CLSTN1: variants seen among roughly 807,000 people sequenced by gnomAD.
The protein encoded by CLSTN1 is calsyntenin-1.
CLSTN1 carries 28 observed loss-of-function variants against 108.3 expected under a neutral mutation model. The ratio of observed to expected loss-of-function variants is 0.26; its 90% confidence interval spans 0.19 to 0.35. The LOEUF (loss-of-function observed/expected upper bound fraction) is 0.35, where lower values mean the gene tolerates loss of function less well. Among genes scored for constraint, CLSTN1 ranks in the 10% least tolerant of loss-of-function variants. CLSTN1 has a pLI of 1.00. For missense variants in CLSTN1, 1,157 were observed against 1,302.6 expected (o/e 0.89, Z 1.72); for synonymous variants, 524 against 534.9 (o/e 0.98, Z 0.28).
chr1:9,793,013 C>G (rs1267704171), intron 1 of CLSTN1, among the ~76,000 whole-genome samples: 1 of 151,086 alleles, frequency 6.6e-6, no homozygotes, highest in Non-Finnish European at 1.5e-5. Context: ...AAACGCAGAT[C>G]CCTTTTTTTT....
intron 1 of CLSTN1, among the ~76,000 whole-genome samples, chr1:9,816,517 T>C (rs1468069544): frequency 2.0e-5 from 3 of 149,628 alleles, no homozygotes; most frequent in Non-Finnish European, 4.4e-5. Flanking sequence ...ATGTGAACTA[T>C]ACCTCAATAA....
At chr1:9,746,005 C>T (rs1039863684) in intron 7 of CLSTN1, among the ~76,000 whole-genome samples, 1 of 151,908 alleles carries the variant, frequency 6.6e-6, no homozygotes, top group Admixed American at 6.6e-5. Context: ...TGGGCTCAAG[C>T]GATCCATCTG....
chr1:9,792,204 C>A (rs1366634087), intron 1 of CLSTN1, among the ~76,000 whole-genome samples: 1 of 150,966 alleles, frequency 6.6e-6, no homozygotes, highest in Non-Finnish European at 1.5e-5. Flanking sequence ...ACAACAACAA[C>A]AACAACAACA....
intron 1 of CLSTN1, among the ~76,000 whole-genome samples, chr1:9,779,270 A>C (rs1653123827): frequency 6.6e-6 from 1 of 152,104 alleles, no homozygotes. Context: ...TCTCCAGATT[A>C]TCTTTTTAAA....
At chr1:9,740,571 A>C (rs1029770457) in intron 10 of CLSTN1, among the ~76,000 whole-genome samples, 1 of 152,178 alleles carries the variant, frequency 6.6e-6, no homozygotes, top group East Asian at 1.9e-4. Context: ...GGTGGTTATC[A>C]TATCCCCTCT....
rs968703335 is a variant in CLSTN1, at chr1:9,734,436, G to A, written c.2111-294C>T. ...CTAAAAATACAAAAATTAACCGGGCGTTGTGGCAGGTCCCTGTAATCCCAG... is the reference window on the plus strand; with the variant it reads ...CTAAAAATACAAAAATTAACCGGGCATTGTGGCAGGTCCCTGTAATCCCAG... On this transcript the variant is annotated intron_variant, in intron 14 of 18. Coordinates refer to ENST00000377298, the MANE Select transcript of CLSTN1 (RefSeq NM_001009566.3). The surrounding 1 kb of genome is among the most constrained non-coding windows in gnomAD (Gnocchi z 4.8). 5.1e-4 allele frequency among the ~76,000 whole-genome samples: 78 copies of A among 152,226 alleles called. No individual in the cohort carries two copies. Among genetic ancestry groups the A allele is most frequent in the Admixed American group, 1.4e-3 (22 of 15,290 alleles).
intron 1 of CLSTN1, among the ~76,000 whole-genome samples, chr1:9,788,785 G>A (rs1305382371): frequency 6.9e-6 from 1 of 145,562 alleles, no homozygotes; most frequent in Non-Finnish European, 1.5e-5. Flanking sequence ...GGAGAATGGC[G>A]TGAACCCGGG....
rs148619225 is a variant in CLSTN1 at position 9,746,818 on chromosome 1, G to C, written c.986-2175C>G. ...TTAGTCTCAATTGTTTAATTCCTCT[G>C]TAACAAGGTCAATACCCACCTACTT... On this transcript the variant is annotated intron_variant, in intron 7 of 18. Coordinates refer to ENST00000377298, the MANE Select transcript of CLSTN1 (RefSeq NM_001009566.3). Among the ~76,000 whole-genome samples the C allele has an allele frequency of 5.3e-5, 8 of 152,078 alleles. No homozygotes were observed. In the East Asian group the frequency reaches 1.4e-3, roughly 26 times the overall value.
intron 1 of CLSTN1, chr1:9,780,913 A>G (rs1653212723): frequency 2.7e-6 from 1 of 374,446 alleles, no homozygotes; most frequent in African/African-American, 2.1e-5. Flanking sequence ...GATGCTGAAT[A>G]AACTGTGTGT....
At position 9,823,593 on chromosome 1, in the gene CLSTN1, G is replaced by T; in HGVS notation, c.91+50C>A. 8.8e-7 allele frequency: 1 copy of T among 1,140,882 alleles called. No homozygotes were observed. The highest frequency in any genetic ancestry group is 1.1e-6 in the Non-Finnish European group (1 of 918,004). 70.7% of individuals were successfully genotyped at this position (1,140,882 alleles called of 1,614,324 possible). On this transcript the variant is annotated intron_variant, in intron 1 of 18. Transcript: ENST00000377298. This position sits in a 1 kb window ranked among gnomAD's most constrained non-coding sequence, Gnocchi z 6.3. ...CACCGGGACCCGAATCCTGCACCCGGACCCGAATCCCGCACCGACCCAGCG... is the reference window on the plus strand; with the variant it reads ...CACCGGGACCCGAATCCTGCACCCGTACCCGAATCCCGCACCGACCCAGCG...
In CLSTN1 at chr1:9,734,928, C is replaced by T. The variant is rs372841515; in HGVS notation, c.2110+20G>A. ...TTTCCGGCCGAGGCGAGGGAGCCCG[C>T]GCCCCACAGAGCACATTACCTGTGG... On this transcript the variant is annotated intron_variant, in intron 14 of 18. Transcript: ENST00000377298. The surrounding 1 kb of genome is among the most constrained non-coding windows in gnomAD (Gnocchi z 4.8). The T allele has an allele frequency of 7.5e-6, 12 of 1,599,896 alleles. No homozygotes were observed. Among genetic ancestry groups the T allele is most frequent in the Admixed American group, 1.7e-5 (1 of 59,902 alleles).
chr1:9,808,286 T>C (rs577539038), intron 1 of CLSTN1, among the ~76,000 whole-genome samples: 22 of 152,342 alleles, frequency 1.4e-4, no homozygotes, highest in Non-Finnish European at 1.6e-4. Flanking sequence ...TTCAAAGCCA[T>C]GTTGTTCAAG....
chr1:9,802,003 T>C (rs1193851591), intron 1 of CLSTN1, among the ~76,000 whole-genome samples: 1 of 152,200 alleles, frequency 6.6e-6, no homozygotes, highest in East Asian at 1.9e-4. Flanking sequence ...CTAAGTACTT[T>C]ACAAAATTGG....
chr1:9,784,917 A>G (rs1363576239), intron 1 of CLSTN1, among the ~76,000 whole-genome samples: 3 of 152,202 alleles, frequency 2.0e-5, no homozygotes, highest in Non-Finnish European at 2.9e-5. Flanking sequence ...TGGAACAGGT[A>G]AAATATTCAC....
Position 9,751,549 on chromosome 1 carries a change from G to C in CLSTN1, c.573C>G (p.Asp191Glu), listed in dbSNP as rs776558821. 1.2e-6 allele frequency: 2 copies of C among 1,614,212 alleles called. No homozygotes were observed. The highest frequency in any genetic ancestry group is 1.7e-6 in the Non-Finnish European group (2 of 1,180,032). Residue 191 changes from aspartate (D) to glutamate (E), a missense_variant, in exon 5 of 19, where the codon GAC (aspartate) becomes GAG (glutamate). Asp to Glu is a conservative substitution (Grantham distance 45). Coordinates refer to ENST00000377298, the MANE Select transcript of CLSTN1 (RefSeq NM_001009566.3). ...AAATCTGGCTGAACTGAGGGGAGCAGTCGGCATCCACGGCCTCCACCCTCA... is the reference window on the plus strand; with the variant it reads ...AAATCTGGCTGAACTGAGGGGAGCACTCGGCATCCACGGCCTCCACCCTCA... ...SILRVEAVDADCSPQFSQICS... is the reference protein window; with the variant it reads ...SILRVEAVDAECSPQFSQICS...
intron 2 of CLSTN1, among the ~76,000 whole-genome samples, chr1:9,762,615 C>T (rs377570777): frequency 2.0e-4 from 30 of 149,404 alleles, no homozygotes; most frequent in African/African-American, 5.2e-4. Flanking sequence ...CCTTGGTGCC[C>T]GCACTCAACG....
At chr1:9,818,944 G>T (rs1037500311) in intron 1 of CLSTN1, among the ~76,000 whole-genome samples, 2 of 119,676 alleles carry the variant, frequency 1.7e-5, no homozygotes, top group Admixed American at 9.7e-5. Context: ...CTGCCACCAC[G>T]CCTGGCTAAT....
chr1:9,754,431 C>T (rs1192447099), intron 4 of CLSTN1, among the ~76,000 whole-genome samples: 3 of 151,886 alleles, frequency 2.0e-5, no homozygotes, highest in South Asian at 2.1e-4. Flanking sequence ...TGGTGGCAGG[C>T]ACCTGTAATC....
At chr1:9,795,961 C>CAA (rs70998311) in intron 1 of CLSTN1, among the ~76,000 whole-genome samples, 1 of 135,616 alleles carries the variant, frequency 7.4e-6, no homozygotes, top group Non-Finnish European at 1.6e-5. Context: ...TCCCCACCTC[C>CAA]AAAAAAAAAA....
Sources: gnomAD v4.1 joint callset for allele counts (sites outside exome capture counted in the v4.1 genomes callset) on GRCh38, gnomAD v4.1.1 for gene constraint, Gnocchi (gnomAD v3.1) non-coding constraint, MANE v1.5 for transcripts, NCBI Gene and HGNC (gene_info 2026-07-23, HGNC 2026-07-21) for gene names.